Variants in ADAMTS7 observed in about 807,000 individuals in gnomAD.
ADAMTS7 encodes the protein A disintegrin and metalloproteinase with thrombospondin motifs 7.
Under a neutral mutation model 172.6 loss-of-function variants are expected in ADAMTS7, and 89 were observed. That is an observed-to-expected ratio of 0.52 (90% CI 0.43 to 0.61). The LOEUF is 0.61. Among genes scored for constraint, ADAMTS7 ranks in the 20% least tolerant of loss-of-function variants. The pLI is 0.00. For synonymous variants in ADAMTS7, 885 were observed against 978.4 expected (o/e 0.90, Z 1.78); for missense variants, 1,973 against 2,355.6 (o/e 0.84, Z 3.36).
At chr15:78,790,865 TA>T (rs1188521045) in intron 5 of ADAMTS7, 71 bp from the exon 6 acceptor site, 12 of 1,592,834 alleles carry the variant, frequency 7.5e-6, no homozygotes, top group Non-Finnish European at 1.0e-5. Flanking sequence ...TTCTCCCCCA[TA>T]CGAAGGCAGG....
chr15:78,788,203 T>A, intron 8 of ADAMTS7, 28 bp downstream of exon 8: 1 of 1,612,022 alleles, frequency 6.2e-7, no homozygotes, highest in Non-Finnish European at 8.5e-7. Context: ...TGGATCAAGG[T>A]ATAGGGGCCC....
chr15:78,776,171 C>A lies in ADAMTS7; in HGVS notation c.1706+17G>T. 1 of 1,600,260 alleles carries A rather than the reference C, an allele frequency of 6.2e-7. No individual in the cohort carries two copies. On this transcript the variant is annotated intron_variant, in intron 11 of 23. Coordinates refer to ENST00000388820, the MANE Select transcript of ADAMTS7 (RefSeq NM_014272.5). ...CTCTGTCCCACTGCCCAAGGGCACC[C>A]TGGGCCCCACACTCACGTAGGCTGC...
At chr15:78,774,996 G>A (rs1344220778) in intron 11 of ADAMTS7, among the ~76,000 whole-genome samples, 1 of 152,228 alleles carries the variant, frequency 6.6e-6, no homozygotes, top group East Asian at 1.9e-4. Flanking sequence ...GTGGGGAGGT[G>A]GCAGCAGGAA....
intron 8 of ADAMTS7, among the ~76,000 whole-genome samples, chr15:78,780,426 G>A (rs1329436368): frequency 5.3e-5 from 8 of 152,198 alleles, no homozygotes. Flanking sequence ...TGGAGTCACT[G>A]AATGGGGGGT....
chr15:78,770,153 A>G (rs1177747304), intron 16 of ADAMTS7, among the ~76,000 whole-genome samples: 1 of 151,950 alleles, frequency 6.6e-6, no homozygotes, highest in Non-Finnish European at 1.5e-5. Flanking sequence ...ACAGAGTGAG[A>G]CTCCATCTCT....
intron 8 of ADAMTS7, among the ~76,000 whole-genome samples, chr15:78,784,744 C>G (rs1055339202): frequency 3.3e-5 from 5 of 152,080 alleles, no homozygotes; most frequent in Non-Finnish European, 7.4e-5. Context: ...ATTCAAATCA[C>G]AATGGTATGG....
chr15:78,806,331 G>A (rs2055797663), intron 1 of ADAMTS7, among the ~76,000 whole-genome samples: 1 of 152,072 alleles, frequency 6.6e-6, no homozygotes, highest in Admixed American at 6.6e-5. Context: ...AAGACAAGAA[G>A]GGCCTCATGG....
At chr15:78,779,619 C>G (rs59697303) in intron 8 of ADAMTS7, among the ~76,000 whole-genome samples, 1 of 152,012 alleles carries the variant, frequency 6.6e-6, no homozygotes, top group East Asian at 1.9e-4. Flanking sequence ...GGCCTGCACC[C>G]GGGGCAGAGT....
At chr15:78,801,037 G>A (rs1334964379) in intron 1 of ADAMTS7, among the ~76,000 whole-genome samples, 2 of 152,172 alleles carry the variant, frequency 1.3e-5, no homozygotes, top group Non-Finnish European at 2.9e-5. Flanking sequence ...CACTGCGCCC[G>A]GCCTGGATTG....
intron 16 of ADAMTS7, among the ~76,000 whole-genome samples, chr15:78,770,470 G>T (rs1423660239): frequency 7.5e-6 from 1 of 133,038 alleles, no homozygotes; most frequent in African/African-American, 2.9e-5. Flanking sequence ...AGACCAAGCA[G>T]GGGGAGGAAG....
chr15:78,810,962 G>A, intron 1 of ADAMTS7, 159 bp downstream of exon 1: 2 of 809,266 alleles, frequency 2.5e-6, no homozygotes, highest in Non-Finnish European at 3.3e-6. Flanking sequence ...GCCCGACCCC[G>A]ACTACTGTCC....
chr15:78,800,394 T>C lies in ADAMTS7; in HGVS notation c.254A>G (p.Gln85Arg), dbSNP rs1364262272. Reference protein sequence around the residue: ...RRDAPAFYELQYRGRELRFNL... With the variant: ...RRDAPAFYELRYRGRELRFNL... Reference sequence around the variant, plus strand: ...GAAGCGCAGCTCGCGCCCGCGGTATTGTAGCTCGTAGAAGGCGGGCGCGTC... The same window carrying C: ...GAAGCGCAGCTCGCGCCCGCGGTATCGTAGCTCGTAGAAGGCGGGCGCGTC... The change falls in exon 2 of 24, where the codon CAA (glutamine) becomes CGA (arginine). Residue 85 changes from glutamine to arginine, a missense_variant. Gln to Arg is a conservative substitution (Grantham distance 43). This residue lies in a region of ADAMTS7 where 306 missense variants were observed against 288.0 expected (regional missense o/e 1.06). Transcript: ENST00000388820. The C allele has an allele frequency of 5.6e-6, 9 of 1,609,048 alleles. No individual in the cohort carries two copies. The highest frequency in any genetic ancestry group is 1.3e-5 in the African/African-American group (1 of 75,002).
chr15:78,809,397 T>C (rs1206897809), intron 1 of ADAMTS7, among the ~76,000 whole-genome samples: 1 of 152,092 alleles, frequency 6.6e-6, no homozygotes, highest in Non-Finnish European at 1.5e-5. Context: ...CCATGCTCTA[T>C]ATCTATGGGA....
At chr15:78,773,479 A>G (rs552219704) in intron 13 of ADAMTS7, among the ~76,000 whole-genome samples, 146 of 151,738 alleles carry the variant, frequency 9.6e-4, no homozygotes, top group African/African-American at 3.4e-3. Flanking sequence ...GAGTTCTGCA[A>G]AGCCTGCGGG....
In ADAMTS7 at chr15:78,762,405, G is replaced by C; in HGVS notation, c.4901C>G (p.Pro1634Arg). The C allele has an allele frequency of 3.4e-6, 5 of 1,464,772 alleles. No individual in the cohort carries two copies. Among genetic ancestry groups the C allele is most frequent in the Non-Finnish European group, 4.5e-6 (5 of 1,103,606 alleles). The allele number at this position is 1,464,772 out of a possible 1,614,324, so 90.7% of individuals were successfully genotyped here. A position where few individuals can be genotyped will look rare whatever the true frequency, so the allele number is the denominator to read the frequency against. The change falls in exon 23 of 24, where the codon CCC becomes CGC. Residue 1634 changes from proline (P) to arginine (R), a missense_variant and splice_region_variant. This residue lies in a region of ADAMTS7 where 94 missense variants were observed against 95.4 expected (regional missense o/e 0.99). Transcript: ENST00000388820. Reference sequence around the variant, plus strand: ...GAGCCTGGGGTCAGGGGACTCACGGGGAGGCTCGACGGGCTCACAATCCTC... The same window carrying C: ...GAGCCTGGGGTCAGGGGACTCACGGCGAGGCTCGACGGGCTCACAATCCTC... The part of the protein sequence containing the change: ...GTEDCEPVEP[P>R]RCERDRLSFG...
In ADAMTS7 at chr15:78,776,275, C is replaced by G. The variant is rs1435183809; in HGVS notation, c.1619G>C (p.Gly540Ala). 1.2e-6 allele frequency: 2 copies of G among 1,611,930 alleles called. No individual in the cohort carries two copies. Among genetic ancestry groups the G allele is most frequent in the South Asian group, 2.2e-5 (2 of 90,992 alleles). The change falls in exon 11 of 24, where the codon GGC (glycine) becomes GCC (alanine). Residue 540 changes from glycine (G) to alanine (A), a missense_variant. Physicochemically the swap from Gly to Ala is moderately conservative, Grantham distance 60. Transcript: ENST00000388820. ...VGFRPEAVDGGWSGWSAWSIC... is the reference protein window; with the variant it reads ...VGFRPEAVDGAWSGWSAWSIC... Reference sequence around the variant, plus strand: ...GGACCAGGCGCTCCAGCCAGACCAGCCACCATCCACGGCCTCGGGCCGGAA... The same window carrying G: ...GGACCAGGCGCTCCAGCCAGACCAGGCACCATCCACGGCCTCGGGCCGGAA...
chr15:78,780,836 C>A (rs140928975), intron 8 of ADAMTS7, among the ~76,000 whole-genome samples: 64 of 151,846 alleles, frequency 4.2e-4, no homozygotes, highest in African/African-American at 1.4e-3. Flanking sequence ...CTGTTCCTGA[C>A]CCCAGGAGGG....
chr15:78,785,241 A>C (rs1366787031), intron 8 of ADAMTS7, among the ~76,000 whole-genome samples: 1 of 152,110 alleles, frequency 6.6e-6, no homozygotes, highest in East Asian at 1.9e-4. Context: ...CAAATAAAAA[A>C]CTTGTTCTTA....
Position 78,774,726 on chromosome 15 carries a change from A to G in ADAMTS7, c.1774T>C (p.Cys592Arg). 1 of 1,611,592 alleles carries G rather than the reference A, an allele frequency of 6.2e-7. No individual in the cohort carries two copies. Among genetic ancestry groups the G allele is most frequent in the Non-Finnish European group, 8.5e-7 (1 of 1,179,744 alleles). The change falls in exon 12 of 24, where the codon TGC becomes CGC. Residue 592 changes from cysteine to arginine, a missense_variant. Physicochemically the swap from Cys to Arg is radical, Grantham distance 180. Transcript: ENST00000388820. The part of the protein sequence containing the change: ...KRFRLCNLQA[C>R]PAGRPSFRHV... ...CGGAAGGAGGGGCGGCCAGCAGGGC[A>G]GGCCTGCAGGTTGCAGAGGCGGAAG...
Sources: gnomAD v4.1 joint callset for allele counts (sites outside exome capture counted in the v4.1 genomes callset) on GRCh38, gnomAD v4.1.1 for gene constraint, gnomAD v4.1.1 regional missense constraint, MANE v1.5 for transcripts, NCBI Gene and HGNC (gene_info 2026-07-23, HGNC 2026-07-21) for gene names.